The following ERAP1 variants were observed in gnomAD, a reference collection of about 807,000 sequenced individuals.
The protein encoded by ERAP1 is endoplasmic reticulum aminopeptidase 1.
In ERAP1, 86 loss-of-function variants were observed where a neutral mutation model predicts 103.7. The observed-to-expected ratio is 0.83, with a 90% CI of 0.70 to 0.99. The LOEUF is 0.99. Among genes scored for constraint, ERAP1 ranks in the 50% least tolerant of loss-of-function variants. ERAP1 has a pLI of 0.00. For synonymous variants in ERAP1, 398 were observed against 402.4 expected (o/e 0.99, Z 0.13); for missense variants, 1,009 against 1,128.4 (o/e 0.89, Z 1.52).
the ERAP1 span, among the ~76,000 whole-genome samples, chr5:96,859,117 A>G: frequency 0.048 from 7,257 of 150,140 alleles, 210 homozygotes; most frequent in South Asian, 0.1. Context: ...TGAACAACAG[A>G]CATGTTCTAT....
the ERAP1 span, among the ~76,000 whole-genome samples, chr5:96,830,085 G>A: frequency 2.6e-5 from 4 of 152,272 alleles, no homozygotes; most frequent in East Asian, 5.8e-4. Flanking sequence ...TGGAGTCCAA[G>A]ACCACTCAGA....
At chr5:96,874,128 AAG>A in the ERAP1 span, among the ~76,000 whole-genome samples, 2 of 127,654 alleles carry the variant, frequency 1.6e-5, no homozygotes, top group East Asian at 2.2e-4. Context: ...GAAAGAAAGA[AAG>A]AGAGAGAGAA....
chr5:96,883,858 G>A, the ERAP1 span: 239 of 1,613,822 alleles, frequency 1.5e-4, no homozygotes, highest in Non-Finnish European at 1.9e-4. Flanking sequence ...TTGATGAACC[G>A]TTGTTCAAAG....
chr5:96,763,185 GATTCTGATGGATTTTC>G lies in ERAP1; in HGVS notation c.2846_*14del, dbSNP rs1308390164. The G allele has an allele frequency of 1.4e-5, 11 of 780,718 alleles. No individual in the cohort carries two copies. In the Admixed American group the frequency reaches 1.7e-4, roughly 12 times the overall value. 48.4% of individuals were successfully genotyped at this position (780,718 alleles called of 1,614,324 possible). On this transcript the variant is annotated stop_lost and 3_prime_UTR_variant, in exon 20 of 20. Transcript: ENST00000296754. Reference sequence around the variant, plus strand: ...AAGCATATTTAGTGCTGTAGTCTGAGATTCTGATGGATTTTCATCCTGTTGCGTCAGCTTCAGGATC... The same window carrying G: ...AAGCATATTTAGTGCTGTAGTCTGAGATCCTGTTGCGTCAGCTTCAGGATC...
chr5:96,865,007 T>C, the ERAP1 span, among the ~76,000 whole-genome samples: 1 of 152,180 alleles, frequency 6.6e-6, no homozygotes, highest in African/African-American at 2.4e-5. Flanking sequence ...GGACTAAAGC[T>C]AATGTTTTAT....
At position 96,781,802 on chromosome 5, in the gene ERAP1, C is replaced by G. The variant is rs756970787; in HGVS notation, c.2338G>C (p.Glu780Gln). Residue 780 changes from glutamate (E) to glutamine (Q), a missense_variant, in exon 16 of 19, where the codon GAA (glutamate) becomes CAA (glutamine). Glu to Gln is a conservative substitution (Grantham distance 29). Around this residue, in one of 3 missense-constraint regions of ERAP1, gnomAD observed 611 missense variants for 651.7 expected, o/e 0.94. Transcript: ENST00000443439. ...AVFAVGAQST[E>Q]GWDFLYSKYQ... ...TTACTATAAAGAAAATCCCAGCCTT[C>G]TGTGCTCTGGGCCCCCACAGCAAAC... 1 of 1,614,014 alleles carries G rather than the reference C, an allele frequency of 6.2e-7. No individual in the cohort carries two copies. The highest frequency in any genetic ancestry group is 1.3e-5 in the African/African-American group (1 of 74,914).
chr5:96,891,348 T>C, the ERAP1 span, among the ~76,000 whole-genome samples: 1 of 123,878 alleles, frequency 8.1e-6, no homozygotes, highest in East Asian at 2.4e-4. Flanking sequence ...TGTATATGTA[T>C]ATGTGTGTGT....
intron 3 of ERAP1, among the ~76,000 whole-genome samples, chr5:96,799,347 A>C (rs1166491592): frequency 6.6e-6 from 1 of 152,124 alleles, no homozygotes; most frequent in Non-Finnish European, 1.5e-5. Context: ...CCCTCAGCTC[A>C]ATATCTGCAG....
the ERAP1 span, among the ~76,000 whole-genome samples, chr5:96,864,091 C>T: frequency 6.6e-6 from 1 of 152,088 alleles, no homozygotes; most frequent in Non-Finnish European, 1.5e-5. Context: ...CATTTACACG[C>T]ACACAAGATG....
At chr5:96,856,934 C>G in the ERAP1 span, among the ~76,000 whole-genome samples, 3 of 152,206 alleles carry the variant, frequency 2.0e-5, no homozygotes, top group South Asian at 6.2e-4. Context: ...TTCTCCAGAT[C>G]CCTGGTGCCT....
intron 18 of ERAP1, among the ~76,000 whole-genome samples, chr5:96,777,439 A>G (rs1487829118): frequency 6.6e-6 from 1 of 152,216 alleles, no homozygotes; most frequent in African/African-American, 2.4e-5. Context: ...ATACCATATT[A>G]TTAGTTTGGG....
the ERAP1 span, among the ~76,000 whole-genome samples, chr5:96,833,310 A>T: frequency 6.6e-6 from 1 of 152,150 alleles, no homozygotes; most frequent in South Asian, 2.1e-4. Context: ...TCTCCAGTGG[A>T]TGGGGTCTTG....
chr5:96,817,952 A>G, the ERAP1 span, among the ~76,000 whole-genome samples: 1,393 of 152,322 alleles, frequency 9.1e-3, 26 homozygotes, highest in African/African-American at 0.032. Context: ...AATTCTGAAA[A>G]GCGTTTGGAA....
At chr5:96,893,091 C>G in the ERAP1 span, among the ~76,000 whole-genome samples, 3 of 152,280 alleles carry the variant, frequency 2.0e-5, no homozygotes, top group East Asian at 3.9e-4. Flanking sequence ...ACGGCCACTA[C>G]AACTACAAGA....
chr5:96,932,952 A>C, the ERAP1 span, among the ~76,000 whole-genome samples: 3 of 152,320 alleles, frequency 2.0e-5, no homozygotes, highest in African/African-American at 7.2e-5. Flanking sequence ...TCGTAACTTC[A>C]TAATAACTTA....
chr5:96,928,937 A>G, the ERAP1 span, among the ~76,000 whole-genome samples: 1 of 152,208 alleles, frequency 6.6e-6, no homozygotes, highest in South Asian at 2.1e-4. Flanking sequence ...ATGGCATACA[A>G]CAAGTATATG....
the ERAP1 span, among the ~76,000 whole-genome samples, chr5:96,888,733 G>T: frequency 6.6e-6 from 1 of 152,188 alleles, no homozygotes; most frequent in Non-Finnish European, 1.5e-5. Context: ...TTAGTTTAAA[G>T]CAAGCTTGAC....
chr5:96,889,046 T>A, the ERAP1 span: 1 of 1,018,708 alleles, frequency 9.8e-7, no homozygotes, highest in Non-Finnish European at 1.4e-6. Flanking sequence ...CCTCTTATCC[T>A]TATTGACAAC....
chr5:96,875,139 C>T, the ERAP1 span, among the ~76,000 whole-genome samples: 1 of 152,260 alleles, frequency 6.6e-6, no homozygotes, highest in East Asian at 1.9e-4. Context: ...GCTTGAGAAG[C>T]TGGGAAGACA....
Sources: gnomAD v4.1 joint callset for allele counts (sites outside exome capture counted in the v4.1 genomes callset) on GRCh38, gnomAD v4.1.1 for gene constraint, gnomAD v4.1.1 regional missense constraint, MANE v1.5 for transcripts, NCBI Gene and HGNC (gene_info 2026-07-23, HGNC 2026-07-21) for gene names.